The following PIEZO2 variants were observed in gnomAD, a reference collection of about 807,000 sequenced individuals.
The protein encoded by PIEZO2 is piezo type mechanosensitive ion channel component 2, also known as piezo-type mechanosensitive ion channel component 2.
In PIEZO2, 172 loss-of-function variants were observed where a neutral mutation model predicts 337.3. That is an observed-to-expected ratio of 0.51 (90% confidence interval 0.45 to 0.58). The LOEUF is 0.58. Among genes scored for constraint, PIEZO2 ranks in the 20% least tolerant of loss-of-function variants. PIEZO2 has a pLI of 0.00. For missense variants in PIEZO2, 3,028 were observed against 3,391.3 expected, an observed-to-expected ratio of 0.89 and a Z score of 2.66; for synonymous variants, 1,251 against 1,228.5, an observed-to-expected ratio of 1.02 and a Z score of -0.38.
intron 1 of PIEZO2, 59 bp from the exon 2 acceptor site, chr18:11,066,281 A>G: frequency 7.5e-7 from 1 of 1,338,206 alleles, no homozygotes; most frequent in Non-Finnish European, 1.0e-6. Flanking sequence ...GGTTGACAAA[A>G]CCAGGGGTGC....
rs1598857439 is a variant in PIEZO2, at chr18:11,032,777, C to T, written c.160+33350G>A. On this transcript the variant is annotated intron_variant, in intron 2 of 55. Transcript: ENST00000674853. This position sits in a 1 kb window ranked among gnomAD's most constrained non-coding sequence, Gnocchi z 4.9. ...TCTAGACAAAGGACATGTTTCCCAACAACTGCCCTTAAAAGCTTTTGAAGT... is the reference window on the plus strand; with the variant it reads ...TCTAGACAAAGGACATGTTTCCCAATAACTGCCCTTAAAAGCTTTTGAAGT... Among the ~76,000 whole-genome samples, 1 of 152,202 alleles carries T rather than the reference C, an allele frequency of 6.6e-6. No homozygotes were observed. The highest frequency in any genetic ancestry group is 2.4e-5 in the African/African-American group (1 of 41,448).
In PIEZO2 at chr18:10,713,090, G is replaced by A. The variant is rs111622532; in HGVS notation, c.5423+1674C>T. On this transcript the variant is annotated intron_variant, in intron 39 of 55. Transcript: ENST00000674853. This position sits in a 1 kb window ranked among gnomAD's most constrained non-coding sequence, Gnocchi z 4.5. ...CACCCATGCACAGTGTTATCTGCAC[G>A]AATATTACTTCTAAATCAATCTAGG... is the stretch of plus-strand genomic sequence containing the variant. Among the ~76,000 whole-genome samples the A allele has an allele frequency of 7.2e-3, 1,100 of 152,208 alleles. 19 individuals carry two copies. Among genetic ancestry groups the A allele is most frequent in the African/African-American group, 0.023 (975 of 41,500 alleles).
In PIEZO2 at chr18:11,102,536, T is replaced by C. The variant is rs1243205107; in HGVS notation, c.65-36314A>G. Among the ~76,000 whole-genome samples, 1 of 152,190 alleles carries C rather than the reference T, an allele frequency of 6.6e-6. No homozygotes were observed. Among genetic ancestry groups the C allele is most frequent in the African/African-American group, 2.4e-5 (1 of 41,456 alleles). ...CCTAGGGCAGAGCAGAGGATGGGGC[T>C]ATGGGGAGAGGAAGCATCGGGGGTG... On this transcript the variant is annotated intron_variant, in intron 1 of 55. Transcript: ENST00000674853. This position sits in a 1 kb window ranked among gnomAD's most constrained non-coding sequence, Gnocchi z 5.7.
chr18:11,051,116 T>C (rs916188806), intron 2 of PIEZO2, among the ~76,000 whole-genome samples: 2 of 152,122 alleles, frequency 1.3e-5, no homozygotes, highest in Admixed American at 1.3e-4. Flanking sequence ...CCAGGAGAGC[T>C]AGCCATCACA....
At chr18:10,991,395 G>A (rs546736583) in intron 2 of PIEZO2, among the ~76,000 whole-genome samples, 6 of 18,964 alleles carry the variant, frequency 3.2e-4, no homozygotes, top group Non-Finnish European at 4.9e-4. Context: ...CCCACCCCCC[G>A]ACAGGCCCTG....
At chr18:10,798,293 T>A (rs2039682263) in intron 11 of PIEZO2, among the ~76,000 whole-genome samples, 1 of 152,204 alleles carries the variant, frequency 6.6e-6, no homozygotes, top group Non-Finnish European at 1.5e-5. Context: ...CTTGTTCAAA[T>A]CAAATGGGCT....
At chr18:10,776,745 G>A (rs1403226894) in intron 18 of PIEZO2, among the ~76,000 whole-genome samples, 1 of 152,146 alleles carries the variant, frequency 6.6e-6, no homozygotes, top group Non-Finnish European at 1.5e-5. Flanking sequence ...ACCCAGCTGC[G>A]GTTGCTAGAA....
Position 10,696,160 on chromosome 18 carries a change from A to G in PIEZO2, c.7104T>C (p.Thr2368=), listed in dbSNP as rs2035072176. 1 of 1,613,988 alleles carries G rather than the reference A, an allele frequency of 6.2e-7. No homozygotes were observed. The highest frequency in any genetic ancestry group is 1.7e-5 in the Admixed American group (1 of 60,006). The change falls in exon 47 of 56, where the codon ACT becomes ACC. Residue 2368 remains threonine, a synonymous_variant. Coordinates refer to ENST00000674853, the MANE Select transcript of PIEZO2 (RefSeq NM_001378183.1). ...CCTGGAAGATGACCTTTCCCAGTAC[A>G]GTCTTCCTGAGGTAGAGGGCTCGGT... is the stretch of plus-strand genomic sequence containing the variant. ...VVDRALYLRK[T]VLGKVIFQVI...
At chr18:10,873,335 G>C (rs1008196752) in intron 4 of PIEZO2, among the ~76,000 whole-genome samples, 2 of 152,050 alleles carry the variant, frequency 1.3e-5, no homozygotes, top group Non-Finnish European at 2.9e-5. Flanking sequence ...AAAGACTAAG[G>C]CTTCAAAAGG....
In PIEZO2 at chr18:10,784,705, G is replaced by A. The variant is rs920404575; in HGVS notation, c.2492+79C>T. The A allele has an allele frequency of 1.5e-5, 20 of 1,305,426 alleles. No homozygotes were observed. The South Asian group carries it at 2.2e-4, about 14-fold the overall frequency. 80.9% of individuals were successfully genotyped at this position (1,305,426 alleles called of 1,614,324 possible). ...GAAACTTTTAGATTACTGGCTTCTC[G>A]CAAGGTGGCCAACCTAAGGTAGGGT... is the stretch of plus-strand genomic sequence containing the variant. On this transcript the variant is annotated intron_variant, in intron 17 of 55. Coordinates refer to ENST00000674853, the MANE Select transcript of PIEZO2 (RefSeq NM_001378183.1). The surrounding 1 kb of genome is among the most constrained non-coding windows in gnomAD (Gnocchi z 4.5).
At chr18:11,046,951 C>G (rs554706319) in intron 2 of PIEZO2, among the ~76,000 whole-genome samples, 142 of 152,348 alleles carry the variant, frequency 9.3e-4, no homozygotes, top group Non-Finnish European at 1.7e-3. Context: ...TTGATACGCT[C>G]TCTCTTACTT....
chr18:11,141,634 C>T (rs185804613), intron 1 of PIEZO2, among the ~76,000 whole-genome samples: 3 of 152,314 alleles, frequency 2.0e-5, no homozygotes, highest in East Asian at 1.9e-4. Flanking sequence ...CCCACAGTCT[C>T]GTCACAAATG....
chr18:11,114,445 C>T (rs2039826689), intron 1 of PIEZO2, among the ~76,000 whole-genome samples: 1 of 152,182 alleles, frequency 6.6e-6, no homozygotes, highest in Admixed American at 6.5e-5. Flanking sequence ...GCAGGAGGAT[C>T]ACTTGAGGTC....
chr18:10,907,848 T>C (rs1239017470), intron 4 of PIEZO2, among the ~76,000 whole-genome samples: 1 of 152,260 alleles, frequency 6.6e-6, no homozygotes, highest in Non-Finnish European at 1.5e-5. Flanking sequence ...AGGCACAGAT[T>C]CTTTTTATCT....
intron 42 of PIEZO2, among the ~76,000 whole-genome samples, chr18:10,702,469 A>G (rs2035384061): frequency 6.6e-6 from 1 of 152,256 alleles, no homozygotes; most frequent in African/African-American, 2.4e-5. Flanking sequence ...TGTTGGCATT[A>G]TACTTATTTA....
intron 9 of PIEZO2, among the ~76,000 whole-genome samples, chr18:10,803,156 G>T (rs930633334): frequency 1.3e-5 from 2 of 152,060 alleles, no homozygotes; most frequent in Non-Finnish European, 2.9e-5. Flanking sequence ...CATGCACCCC[G>T]ACTGGATCAT....
chr18:10,782,606 A>G (rs956677562), intron 17 of PIEZO2, among the ~76,000 whole-genome samples: 1 of 148,358 alleles, frequency 6.7e-6, no homozygotes, highest in Non-Finnish European at 1.5e-5. Context: ...GGCATTACAC[A>G]CTCTTTCCTC....
Position 10,775,360 on chromosome 18 carries a change from G to A in PIEZO2, c.2535-1322C>T, listed in dbSNP as rs1010919207. ...CTCCATGTGAAATGTTATTAAATGT[G>A]GAAGTGATCGGCTGCTGCACAGTCG... On this transcript the variant is annotated intron_variant, in intron 18 of 55. Coordinates refer to ENST00000674853, the MANE Select transcript of PIEZO2 (RefSeq NM_001378183.1). The surrounding 1 kb of genome is among the most constrained non-coding windows in gnomAD (Gnocchi z 4.3). 7.9e-5 allele frequency among the ~76,000 whole-genome samples: 12 copies of A among 152,144 alleles called. No individual in the cohort carries two copies. The highest frequency in any genetic ancestry group is 2.7e-4 in the African/African-American group (11 of 41,426).
At chr18:10,889,827 TG>T (rs1337234940) in intron 4 of PIEZO2, among the ~76,000 whole-genome samples, 3 of 152,176 alleles carry the variant, frequency 2.0e-5, no homozygotes, top group Non-Finnish European at 4.4e-5. Flanking sequence ...GCCAGATGCT[TG>T]GCTGCCACCC....
Sources: gnomAD v4.1 joint callset for allele counts (sites outside exome capture counted in the v4.1 genomes callset) on GRCh38, gnomAD v4.1.1 for gene constraint, Gnocchi (gnomAD v3.1) non-coding constraint, MANE v1.5 for transcripts, NCBI Gene and HGNC (gene_info 2026-07-23, HGNC 2026-07-21) for gene names.